The following SAMD5 variants were observed in gnomAD, a reference collection of about 807,000 sequenced individuals.
The protein encoded by SAMD5 is sterile alpha motif domain-containing protein 5.
In SAMD5, 13 loss-of-function variants were observed where a neutral mutation model predicts 11.3. The observed-to-expected ratio is 1.15, with a 90% CI of 0.75 to 1.83. SAMD5 has a LOEUF of 1.83. SAMD5 is among the 40% of genes most tolerant of loss of function. The pLI is 0.00. For synonymous variants in SAMD5, 129 were observed against 111.3 expected, an observed-to-expected ratio of 1.16 and a Z score of -1.00; for missense variants, 255 against 239.1, an observed-to-expected ratio of 1.07 and a Z score of -0.44.
At chr6:147,904,708 C>T in the SAMD5 span, among the ~76,000 whole-genome samples, 1 of 152,164 alleles carries the variant, frequency 6.6e-6, no homozygotes, top group Non-Finnish European at 1.5e-5. Flanking sequence ...GCCTGGGACT[C>T]TTGACTGCTT....
chr6:147,600,551 C>A (rs1370991239), intron 1 of SAMD5, among the ~76,000 whole-genome samples: 3 of 152,174 alleles, frequency 2.0e-5, no homozygotes, highest in African/African-American at 7.2e-5. Context: ...TCAGATTTGT[C>A]TTTCTCTTCA....
chr6:147,777,812 A>G, the SAMD5 span, among the ~76,000 whole-genome samples: 1 of 152,196 alleles, frequency 6.6e-6, no homozygotes, highest in Non-Finnish European at 1.5e-5. Context: ...AATGTATTCA[A>G]GATTCACCAT....
intron 1 of SAMD5, among the ~76,000 whole-genome samples, chr6:147,726,221 C>T (rs1048485279): frequency 1.3e-5 from 2 of 152,176 alleles, no homozygotes; most frequent in African/African-American, 4.8e-5. Context: ...TAACTACCAC[C>T]CACCCCCGTT....
At chr6:147,844,969 T>C in the SAMD5 span, among the ~76,000 whole-genome samples, 1 of 152,072 alleles carries the variant, frequency 6.6e-6, no homozygotes, top group Non-Finnish European at 1.5e-5. Context: ...ATATTTCAAA[T>C]AGCTAAAAGA....
At chr6:147,650,005 C>A (rs1039604753) in intron 1 of SAMD5, among the ~76,000 whole-genome samples, 2 of 152,166 alleles carry the variant, frequency 1.3e-5, no homozygotes, top group Non-Finnish European at 1.5e-5. Context: ...TTGCCTACAT[C>A]TGGACACTTT....
In SAMD5 at chr6:147,595,758, C is replaced by T. The variant is rs192666604; in HGVS notation, c.162+86371C>T. On this transcript the variant is annotated intron_variant, in intron 1 of 1. Transcript: ENST00000566741. Reference sequence around the variant, plus strand: ...GCCAGGAGGGTCTCGATCTCCTGACCTCATGATCCACCTGCCTCTGCCTCC... The same window carrying T: ...GCCAGGAGGGTCTCGATCTCCTGACTTCATGATCCACCTGCCTCTGCCTCC... 8.9e-4 allele frequency among the ~76,000 whole-genome samples: 135 copies of T among 152,122 alleles called. No individual in the cohort carries two copies. The Middle Eastern group carries it at 0.014, about 15-fold the overall frequency.
chr6:147,586,097 G>T (rs1480314518), intron 1 of SAMD5, among the ~76,000 whole-genome samples: 1 of 152,146 alleles, frequency 6.6e-6, no homozygotes, highest in Non-Finnish European at 1.5e-5. Flanking sequence ...ATTAATTAAG[G>T]TATCTGCCAG....
At chr6:147,522,357 A>C (rs1432867192) in intron 1 of SAMD5, among the ~76,000 whole-genome samples, 2 of 152,148 alleles carry the variant, frequency 1.3e-5, no homozygotes, top group Non-Finnish European at 2.9e-5. Context: ...AAGGAAAAGC[A>C]TTAAGGAAAA....
chr6:147,842,843 G>T, the SAMD5 span, among the ~76,000 whole-genome samples: 33 of 152,200 alleles, frequency 2.2e-4, no homozygotes, highest in Non-Finnish European at 4.1e-4. Context: ...CATATGGTTA[G>T]ATGTTATTTA....
the SAMD5 span, among the ~76,000 whole-genome samples, chr6:147,892,864 G>A: frequency 6.6e-6 from 1 of 152,100 alleles, no homozygotes; most frequent in Non-Finnish European, 1.5e-5. Flanking sequence ...AATTGTAACT[G>A]TAGGTCTCTT....
At chr6:147,774,920 A>G in the SAMD5 span, among the ~76,000 whole-genome samples, 2 of 152,144 alleles carry the variant, frequency 1.3e-5, no homozygotes, top group South Asian at 2.1e-4. Context: ...ATGCAAAGGC[A>G]TAGAAACAAC....
chr6:147,811,665 G>A, the SAMD5 span, among the ~76,000 whole-genome samples: 2 of 152,120 alleles, frequency 1.3e-5, no homozygotes, highest in Admixed American at 1.3e-4. Context: ...TTATATTGAT[G>A]ATGGAATTGA....
At chr6:147,727,803 A>G (rs186087304) in intron 1 of SAMD5, among the ~76,000 whole-genome samples, 14 of 152,302 alleles carry the variant, frequency 9.2e-5, no homozygotes, top group Admixed American at 2.0e-4. Flanking sequence ...TCAGACAGCA[A>G]TAAACTTAAA....
chr6:147,713,149 C>T (rs769003186), intron 1 of SAMD5, among the ~76,000 whole-genome samples: 9 of 152,194 alleles, frequency 5.9e-5, no homozygotes, highest in Non-Finnish European at 7.3e-5. Context: ...TTGTTGACTG[C>T]GTTTTGCAAA....
intron 1 of SAMD5, among the ~76,000 whole-genome samples, chr6:147,689,541 C>T (rs985492752): frequency 6.6e-6 from 1 of 152,176 alleles, no homozygotes; most frequent in African/African-American, 2.4e-5. Context: ...TAACTCTTCC[C>T]TTTTCCCAGT....
In SAMD5 at chr6:147,564,689, A is replaced by AT. The variant is rs1562321932; in HGVS notation, c.*240dup. ...TCACGCATAAAGAAGTATTGAGTTCATTTTTTTAAGAAGATATCATGATGA... is the reference window on the plus strand; with the variant it reads ...TCACGCATAAAGAAGTATTGAGTTCATTTTTTTTAAGAAGATATCATGATGA... On this transcript the variant is annotated 3_prime_UTR_variant, in exon 2 of 2. Transcript: ENST00000367474. The AT allele has an allele frequency of 1.1e-5, 13 of 1,237,358 alleles. No individual in the cohort carries two copies. Among genetic ancestry groups the AT allele is most frequent in the Middle Eastern group, 6.4e-4 (2 of 3,108 alleles). 76.6% of individuals were successfully genotyped at this position (1,237,358 alleles called of 1,614,324 possible). A position where few individuals can be genotyped will look rare whatever the true frequency, so the allele number is the denominator to read the frequency against.
At chr6:147,559,148 C>T (rs987772484) in intron 1 of SAMD5, among the ~76,000 whole-genome samples, 18 of 152,230 alleles carry the variant, frequency 1.2e-4, no homozygotes, top group Non-Finnish European at 2.9e-5. Flanking sequence ...GGTAAGGCGG[C>T]ACTGGCCTCA....
intron 1 of SAMD5, among the ~76,000 whole-genome samples, chr6:147,548,256 G>A (rs866247529): frequency 4.7e-4 from 71 of 152,226 alleles, no homozygotes; most frequent in African/African-American, 1.7e-3. Context: ...TTAAAAATCA[G>A]GTTGTGATTT....
At chr6:147,734,761 A>T (rs1583158586) in intron 1 of SAMD5, among the ~76,000 whole-genome samples, 1 of 150,794 alleles carries the variant, frequency 6.6e-6, no homozygotes, top group African/African-American at 2.4e-5. Flanking sequence ...ACACAAATCA[A>T]ATATCTGGAT....
Sources: allele counts gnomAD v4.1 joint callset (sites outside exome capture counted in the v4.1 genomes callset), GRCh38; gene constraint gnomAD v4.1.1; transcripts MANE v1.5; gene names NCBI Gene and HGNC (gene_info 2026-07-23, HGNC 2026-07-21).